ENG: variants seen among roughly 807,000 people sequenced by gnomAD.
ENG encodes the protein CD105 antigen.
In ENG, 17 loss-of-function variants were observed where a neutral mutation model predicts 71.0. The ratio of observed to expected loss-of-function variants is 0.24; its 90% confidence interval spans 0.16 to 0.36. ENG has a LOEUF of 0.36. Among genes scored for constraint, ENG ranks in the 10% least tolerant of loss-of-function variants. The pLI is 1.00. For synonymous variants in ENG, 360 were observed against 366.9 expected (o/e 0.98, Z 0.21); for missense variants, 749 against 868.3 (o/e 0.86, Z 1.73).
At chr9:127,840,181 G>A (rs554221654) in intron 2 of ENG, among the ~76,000 whole-genome samples, 101 of 152,336 alleles carry the variant, frequency 6.6e-4, no homozygotes, top group Middle Eastern at 3.4e-3. Context: ...TCTCAGAGGC[G>A]GAGCCACAGT....
At position 127,815,654 on chromosome 9, in the gene ENG, C is replaced by G. The variant is rs754604303; in HGVS notation, c.*28G>C. The G allele has an allele frequency of 3.2e-6, 5 of 1,546,232 alleles. No individual in the cohort carries two copies. The African/African-American group carries it at 5.4e-5, about 17-fold the overall frequency. Reference sequence around the variant, plus strand: ...CCCAGCTGGCGGCTGCTCAGTCTCTCCTGCTGGGCGAGCGCGGGGGGCCGG... The same window carrying G: ...CCCAGCTGGCGGCTGCTCAGTCTCTGCTGCTGGGCGAGCGCGGGGGGCCGG... On this transcript the variant is annotated 3_prime_UTR_variant, in exon 15 of 15. Transcript: ENST00000373203.
intron 6 of ENG, 100 bp downstream of exon 6, chr9:127,825,131 G>A: frequency 6.2e-7 from 1 of 1,607,624 alleles, no homozygotes; most frequent in African/African-American, 1.3e-5. Context: ...TAGGTGATTT[G>A]TCCTTCAGCT....
intron 2 of ENG, among the ~76,000 whole-genome samples, chr9:127,832,069 CTTT>C (rs1041729379): frequency 1.2e-5 from 1 of 83,640 alleles, no homozygotes; most frequent in African/African-American, 5.6e-5. Flanking sequence ...AGCTACCATT[CTTT>C]TTTTTTTTTT....
At chr9:127,827,014 A>G (rs1830634529) in intron 3 of ENG, 3 of 337,426 alleles carry the variant, frequency 8.9e-6, no homozygotes, top group South Asian at 2.8e-5. Flanking sequence ...ATCTCCCTAC[A>G]CTGTGAGGGT....
chr9:127,816,992 G>A (rs760792537), intron 13 of ENG, 157 bp downstream of exon 13: 2 of 820,990 alleles, frequency 2.4e-6, no homozygotes, highest in East Asian at 2.7e-5. Context: ...GGCTGCTATG[G>A]CTCTGGGAAG....
At chr9:127,851,508 G>A (rs1237937067) in intron 1 of ENG, among the ~76,000 whole-genome samples, 1 of 152,078 alleles carries the variant, frequency 6.6e-6, no homozygotes, top group Non-Finnish European at 1.5e-5. Flanking sequence ...AGAGGCGTGA[G>A]CCACTGCACC....
intron 1 of ENG, among the ~76,000 whole-genome samples, chr9:127,853,577 C>T (rs986127406): frequency 3.3e-5 from 5 of 152,202 alleles, no homozygotes; most frequent in African/African-American, 1.2e-4. Context: ...TGCACCCACT[C>T]CTGCACCCTT....
chr9:127,829,957 C>A, intron 2 of ENG, 130 bp from the exon 3 acceptor site: 1 of 1,295,510 alleles, frequency 7.7e-7, no homozygotes, highest in Non-Finnish European at 1.1e-6. Flanking sequence ...CCTCACCTCC[C>A]AGTGCCCAGG....
intron 12 of ENG, 152 bp from the exon 13 acceptor site, chr9:127,817,355 A>C (rs1010665242): frequency 1.3e-6 from 1 of 776,600 alleles, no homozygotes; most frequent in African/African-American, 1.7e-5. Context: ...TGAGTCCTGG[A>C]AGATCTGTGC....
In ENG at chr9:127,846,833, A is replaced by T. The variant is rs1206196568; in HGVS notation, c.68-3588T>A. On this transcript the variant is annotated intron_variant, in intron 1 of 14. Coordinates refer to ENST00000373203, the MANE Select transcript of ENG (RefSeq NM_001114753.3). The surrounding 1 kb of genome is among the most constrained non-coding windows in gnomAD (Gnocchi z 5.5). ...AGCCGCTGGGGGCCTGGGTGACTGG[A>T]ACCCCAAGTGAGAGACCCAGAAGCC... The T allele has an allele frequency of 3.1e-6, 3 of 982,492 alleles. No individual in the cohort carries two copies. The highest frequency in any genetic ancestry group is 3.6e-6 in the Non-Finnish European group (3 of 827,450). The allele number at this position is 982,492 out of a possible 1,614,324, so 60.9% of individuals were successfully genotyped here.
intron 1 of ENG, among the ~76,000 whole-genome samples, chr9:127,847,776 C>T (rs756387155): frequency 1.5e-4 from 23 of 152,138 alleles, no homozygotes; most frequent in South Asian, 4.1e-4. Flanking sequence ...TCAGTACCCC[C>T]GGGCCACTCT....
At chr9:127,819,233 G>C in intron 10 of ENG, 1 of 324,410 alleles carries the variant, frequency 3.1e-6, no homozygotes, top group South Asian at 2.9e-5. Context: ...CACTGCGCCC[G>C]GCCCTTTTTT....
At chr9:127,824,281 C>T in intron 8 of ENG, 23 bp downstream of exon 8, 2 of 1,614,038 alleles carry the variant, frequency 1.2e-6, no homozygotes, top group Non-Finnish European at 1.7e-6. Flanking sequence ...CATCCTGAGC[C>T]AGAGGGGCAG....
Position 127,824,782 on chromosome 9 carries a change from C to A in ENG, c.991+18G>T, listed in dbSNP as rs10760504. The A allele has an allele frequency of 2.4e-5, 33 of 1,404,186 alleles. No homozygotes were observed. The highest frequency in any genetic ancestry group is 2.8e-5 in the Non-Finnish European group (29 of 1,052,454). The allele number at this position is 1,404,186 out of a possible 1,614,324, so 87.0% of individuals were successfully genotyped here. On this transcript the variant is annotated intron_variant, in intron 7 of 14. Coordinates refer to ENST00000373203, the MANE Select transcript of ENG (RefSeq NM_001114753.3). ...AAGGGAGGGGAAGGGAAGGGAGGGG[C>A]AGGGGAAGGGTGCTCACCGCAGCTG...
At chr9:127,817,478 T>C (rs1830354630) in intron 12 of ENG, 1 of 526,688 alleles carries the variant, frequency 1.9e-6, no homozygotes, top group African/African-American at 1.9e-5. Context: ...TCCCTCACCC[T>C]TGTGAACACT....
chr9:127,850,803 A>C (rs1200958302), intron 1 of ENG, among the ~76,000 whole-genome samples: 1 of 152,254 alleles, frequency 6.6e-6, no homozygotes, highest in Non-Finnish European at 1.5e-5. Flanking sequence ...CACATGAAAT[A>C]ATCCAAAATA....
In ENG at chr9:127,843,176, G is replaced by A. The variant is rs1393437924; in HGVS notation, c.137C>T (p.Thr46Ile). 3 of 1,614,276 alleles carry A rather than the reference G, an allele frequency of 1.9e-6. No homozygotes were observed. Among genetic ancestry groups the A allele is most frequent in the Non-Finnish European group, 1.7e-6 (2 of 1,180,060 alleles). The change falls in exon 2 of 15, where the codon ACT (threonine) becomes ATT (isoleucine). Residue 46 changes from threonine (T) to isoleucine (I), a missense_variant. Physicochemically the swap from Thr to Ile is moderately conservative, Grantham distance 89. Coordinates refer to ENST00000373203, the MANE Select transcript of ENG (RefSeq NM_001114753.3). ...CACGCAGCCCTTCGAGACCTGGCTAGTGGTATATGTCACCTCGCCCCTCTC... is the reference window on the plus strand; with the variant it reads ...CACGCAGCCCTTCGAGACCTGGCTAATGGTATATGTCACCTCGCCCCTCTC... Reference protein sequence around the residue: ...GPERGEVTYTTSQVSKGCVAQ... With the variant: ...GPERGEVTYTISQVSKGCVAQ...
At chr9:127,844,370 G>A (rs920978224) in intron 1 of ENG, among the ~76,000 whole-genome samples, 34 of 151,802 alleles carry the variant, frequency 2.2e-4, no homozygotes, top group South Asian at 1.0e-3. Context: ...CAGGTGATCC[G>A]CCTGCCTTGG....
At chr9:127,850,376 C>G (rs1402291646) in intron 1 of ENG, among the ~76,000 whole-genome samples, 1 of 152,268 alleles carries the variant, frequency 6.6e-6, no homozygotes, top group South Asian at 2.1e-4. Flanking sequence ...ACCTCCAGCC[C>G]TGGGGCAAAA....
Sources: gnomAD v4.1 joint callset for allele counts (sites outside exome capture counted in the v4.1 genomes callset) on GRCh38, gnomAD v4.1.1 for gene constraint, Gnocchi (gnomAD v3.1) non-coding constraint, MANE v1.5 for transcripts, NCBI Gene and HGNC (gene_info 2026-07-23, HGNC 2026-07-21) for gene names.